The following LRRC69 variants were observed in gnomAD, a reference collection of about 807,000 sequenced individuals.
The protein encoded by LRRC69 is leucine-rich repeat-containing protein 69.
LRRC69 carries 42 observed loss-of-function variants against 37.8 expected under a neutral mutation model. The observed-to-expected ratio is 1.11, with a 90% CI of 0.87 to 1.44. The LOEUF is 1.44. Ranked by LOEUF, LRRC69 falls within the 40% of genes most tolerant of loss-of-function variation. The pLI, the probability that LRRC69 is intolerant of heterozygous loss-of-function variation, is 0.00. For missense variants in LRRC69, 357 were observed against 401.9 expected, an observed-to-expected ratio of 0.89 and a Z score of 0.96; for synonymous variants, 141 against 143.1, an observed-to-expected ratio of 0.99 and a Z score of 0.11.
intron 7 of LRRC69, among the ~76,000 whole-genome samples, chr8:91,211,732 TTATCAG>T (rs1480618419): frequency 6.6e-6 from 1 of 151,718 alleles, no homozygotes; most frequent in Non-Finnish European, 1.5e-5. Context: ...AGCAAATACT[TTATCAG>T]GAAGGGAGAA....
intron 5 of LRRC69, among the ~76,000 whole-genome samples, chr8:91,184,529 T>G (rs1809373947): frequency 6.6e-6 from 1 of 152,230 alleles, no homozygotes; most frequent in Admixed American, 6.5e-5. Context: ...ATCCTTCAAA[T>G]TCTTCTTTCT....
At chr8:91,128,089 C>A (rs1425675692) in intron 3 of LRRC69, among the ~76,000 whole-genome samples, 2 of 151,930 alleles carry the variant, frequency 1.3e-5, no homozygotes, top group African/African-American at 4.8e-5. Flanking sequence ...TGCTTTTTTA[C>A]AAATTCAGCT....
At chr8:91,194,196 C>T (rs1194910590) in intron 6 of LRRC69, among the ~76,000 whole-genome samples, 5 of 140,010 alleles carry the variant, frequency 3.6e-5, no homozygotes, top group Middle Eastern at 3.4e-3. Context: ...AGGGATGAAG[C>T]CCACTTGATC....
At chr8:91,197,960 C>T (rs2130624873) in intron 6 of LRRC69, among the ~76,000 whole-genome samples, 1 of 152,162 alleles carries the variant, frequency 6.6e-6, no homozygotes, top group East Asian at 1.9e-4. Context: ...TAAGAGTATC[C>T]CTAAGAATTC....
chr8:91,157,215 C>G (rs1808851631), intron 5 of LRRC69: 4 of 1,077,496 alleles, frequency 3.7e-6, no homozygotes, highest in Non-Finnish European at 5.6e-6. Flanking sequence ...GTAATATAAT[C>G]ACTTTAACAT....
intron 1 of LRRC69, among the ~76,000 whole-genome samples, chr8:91,104,476 C>T (rs930307946): frequency 2.6e-5 from 4 of 151,798 alleles, no homozygotes; most frequent in Non-Finnish European, 5.9e-5. Flanking sequence ...TCTTATATGC[C>T]ATTTTTGTTC....
intron 7 of LRRC69, among the ~76,000 whole-genome samples, chr8:91,212,123 G>T (rs984092762): frequency 6.6e-6 from 1 of 152,058 alleles, no homozygotes; most frequent in African/African-American, 2.4e-5. Flanking sequence ...TTTCAATGTA[G>T]TTGATATTTC....
chr8:91,205,449 C>CTGA (rs575582690), intron 7 of LRRC69: 119 of 152,260 alleles, frequency 7.8e-4, no homozygotes, highest in Non-Finnish European at 1.5e-3. Flanking sequence ...TACACATCAC[C>CTGA]TGATGCCAGG....
At chr8:91,105,436 C>T (rs1308820342) in intron 1 of LRRC69, among the ~76,000 whole-genome samples, 1 of 151,814 alleles carries the variant, frequency 6.6e-6, no homozygotes, top group African/African-American at 2.4e-5. Flanking sequence ...GTAATCCCAG[C>T]AGTATGGGAG....
chr8:91,134,313 C>T (rs1048637530), intron 4 of LRRC69, among the ~76,000 whole-genome samples: 7 of 151,404 alleles, frequency 4.6e-5, no homozygotes, highest in Middle Eastern at 3.4e-3. Flanking sequence ...GGGAAGCAAA[C>T]GGTGTAATTC....
At chr8:91,194,763 T>C (rs1809565353) in intron 6 of LRRC69, among the ~76,000 whole-genome samples, 1 of 152,308 alleles carries the variant, frequency 6.6e-6, no homozygotes, top group Non-Finnish European at 1.5e-5. Context: ...GCTAGTGGTC[T>C]ATCTATTTTG....
At chr8:91,103,771 A>C (rs1308755247) in intron 1 of LRRC69, among the ~76,000 whole-genome samples, 1 of 152,020 alleles carries the variant, frequency 6.6e-6, no homozygotes, top group Non-Finnish European at 1.5e-5. Flanking sequence ...TTCATTAGTA[A>C]TTGCAGAAGG....
chr8:91,145,769 G>T (rs1386010932), intron 5 of LRRC69, among the ~76,000 whole-genome samples: 1 of 151,836 alleles, frequency 6.6e-6, no homozygotes, highest in Non-Finnish European at 1.5e-5. Flanking sequence ...CTACTTTTAT[G>T]AGAATGAGAT....
At chr8:91,152,440 A>G (rs1192461370) in intron 5 of LRRC69, among the ~76,000 whole-genome samples, 2 of 151,318 alleles carry the variant, frequency 1.3e-5, no homozygotes, top group Non-Finnish European at 3.0e-5. Flanking sequence ...ATGGTTGTAG[A>G]TTTGAGGTCT....
At chr8:91,146,578 G>A (rs1320550386) in intron 5 of LRRC69, among the ~76,000 whole-genome samples, 1 of 151,630 alleles carries the variant, frequency 6.6e-6, no homozygotes, top group East Asian at 1.9e-4. Context: ...GGAGTTCGGG[G>A]TTTTTGTCCC....
In LRRC69 at chr8:91,197,706, G is replaced by T. The variant is rs1036498097; in HGVS notation, c.754-2907G>T. ...AATGCCTCACCCTGCTTCGGCTCGC[G>T]CACGGTGCGCGCACCCACTGACCGG... On this transcript the variant is annotated intron_variant, in intron 6 of 7. Transcript: ENST00000448384. 7.2e-5 allele frequency among the ~76,000 whole-genome samples: 11 copies of T among 152,104 alleles called. No individual in the cohort carries two copies. In the South Asian group the frequency reaches 2.3e-3, roughly 32 times the overall value.
At chr8:91,140,639 A>ATT (rs71266165) in intron 5 of LRRC69, among the ~76,000 whole-genome samples, 265 of 23,254 alleles carry the variant, frequency 0.011, 107 homozygotes, top group African/African-American at 0.043. Context: ...TCAATATGTG[A>ATT]TTTTTTTTTT....
intron 5 of LRRC69, among the ~76,000 whole-genome samples, chr8:91,177,975 A>G (rs367728602): frequency 2.0e-5 from 3 of 149,480 alleles, no homozygotes; most frequent in East Asian, 3.9e-4. Flanking sequence ...CAGCCTCCCT[A>G]GTAGCTGGGA....
intron 5 of LRRC69, among the ~76,000 whole-genome samples, chr8:91,188,001 G>A (rs902815821): frequency 6.6e-6 from 1 of 151,636 alleles, no homozygotes; most frequent in African/African-American, 2.4e-5. Flanking sequence ...AAAAAGGAAA[G>A]AATGGTGGTT....
Sources: gnomAD v4.1 joint callset for allele counts (sites outside exome capture counted in the v4.1 genomes callset) on GRCh38, gnomAD v4.1.1 for gene constraint, MANE v1.5 for transcripts, NCBI Gene and HGNC (gene_info 2026-07-23, HGNC 2026-07-21) for gene names.